Variants in COL2A1 observed in about 807,000 individuals in gnomAD.
COL2A1 encodes collagen type II alpha 1 chain.
COL2A1 carries 28 observed loss-of-function variants against 204.5 expected under a neutral mutation model. The observed-to-expected ratio is 0.14, with a 90% CI of 0.10 to 0.19. The LOEUF is 0.19. COL2A1 is among the 10% of genes least tolerant of loss of function. The pLI is 1.00. For missense variants in COL2A1, 1,388 were observed against 2,027.5 expected, an observed-to-expected ratio of 0.68 and a Z score of 6.06; for synonymous variants, 708 against 718.7, an observed-to-expected ratio of 0.99 and a Z score of 0.24.
In COL2A1 at chr12:47,980,173, G is replaced by A; in HGVS notation, c.2626-111C>T. On this transcript the variant is annotated intron_variant, in intron 39 of 53. Transcript: ENST00000380518. This position sits in a 1 kb window ranked among gnomAD's most constrained non-coding sequence, Gnocchi z 4.5. ...AGGTTTTCGAAGATGCAGCTTTCTT[G>A]GCACTAAAAACCCAGCCTGAAGAGG... 9.6e-7 allele frequency: 1 copy of A among 1,038,368 alleles called. No individual in the cohort carries two copies. Among genetic ancestry groups the A allele is most frequent in the Non-Finnish European group, 1.5e-6 (1 of 682,926 alleles). The allele number at this position is 1,038,368 out of a possible 1,614,324, so 64.3% of individuals were successfully genotyped here.
At position 47,989,774 on chromosome 12, in the gene COL2A1, G is replaced by A. The variant is rs1294094764; in HGVS notation, c.1055C>T (p.Pro352Leu). ...GARGNDGQPG[P>L]AGPPGPVGPA... ...AAATGAACTTACCGGAGGCCCTGCG[G>A]GGCCTGGCTGACCATCGTTGCCTCG... The change falls in exon 17 of 54, where the codon CCC (proline) becomes CTC (leucine). Residue 352 changes from proline (P) to leucine (L), a missense_variant. Around this residue, in one of 3 missense-constraint regions of COL2A1, gnomAD observed 884 missense variants for 1,415.8 expected, o/e 0.62. Coordinates refer to ENST00000380518, the MANE Select transcript of COL2A1 (RefSeq NM_001844.5). 3.1e-6 allele frequency: 5 copies of A among 1,613,468 alleles called. No homozygotes were observed. Among genetic ancestry groups the A allele is most frequent in the Non-Finnish European group, 8.5e-7 (1 of 1,180,022 alleles).
chr12:47,978,647 G>A lies in COL2A1; in HGVS notation c.2845C>T (p.Pro949Ser), dbSNP rs371991954. 3.7e-6 allele frequency: 6 copies of A among 1,613,336 alleles called. No individual in the cohort carries two copies. In the African/African-American group the frequency reaches 4.0e-5, roughly 11 times the overall value. ...GRAGEPGLQG[P>S]AGPPGEKGEP... ...CCCTTCTCGCCAGGGGGTCCAGCAGGACCTTGGAGGCCGGGTTCACCAGCT... is the reference window on the plus strand; with the variant it reads ...CCCTTCTCGCCAGGGGGTCCAGCAGAACCTTGGAGGCCGGGTTCACCAGCT... Residue 949 changes from proline (P) to serine (S), a missense_variant, in exon 42 of 54, where the codon CCT becomes TCT. Coordinates refer to ENST00000380518, the MANE Select transcript of COL2A1 (RefSeq NM_001844.5). The surrounding 1 kb of genome is among the most constrained non-coding windows in gnomAD (Gnocchi z 5.5).
rs1240912554 is a variant in COL2A1 at position 47,984,698 on chromosome 12, T to C, written c.1834-99A>G. 4.3e-6 allele frequency: 5 copies of C among 1,158,994 alleles called. No homozygotes were observed. In the Admixed American group the frequency reaches 7.3e-5, roughly 17 times the overall value. The allele number at this position is 1,158,994 out of a possible 1,614,324, so 71.8% of individuals were successfully genotyped here. A position where few individuals can be genotyped will look rare whatever the true frequency, so the allele number is the denominator to read the frequency against. On this transcript the variant is annotated intron_variant, in intron 27 of 53. Coordinates refer to ENST00000380518, the MANE Select transcript of COL2A1 (RefSeq NM_001844.5). Reference sequence around the variant, plus strand: ...ACTGAGGCCTGGGGCCACATCCTGATGGACAGCCAAGATAAAGCAAAGTAT... The same window carrying C: ...ACTGAGGCCTGGGGCCACATCCTGACGGACAGCCAAGATAAAGCAAAGTAT...
chr12:47,986,715 GAAA>G, intron 22 of COL2A1, 117 bp downstream of exon 22: 1 of 1,196,006 alleles, frequency 8.4e-7, no homozygotes, highest in Non-Finnish European at 1.3e-6. Flanking sequence ...GGCATAATCT[GAAA>G]GGACCCAGAT....
At chr12:48,004,207 G>A in intron 1 of COL2A1, 30 bp downstream of exon 1, 1 of 1,470,312 alleles carries the variant, frequency 6.8e-7, no homozygotes, top group South Asian at 1.2e-5. Context: ...TGGAAAGCAG[G>A]CAGGCAGGCA....
In COL2A1 at chr12:47,994,709, A is replaced by G. The variant is rs117645772; in HGVS notation, c.763-232T>C. ...GCTCCTCTGTCCTCACCAGCCTCCA[A>G]CTTCCCCTGAGAGGCTTTTTCTCTC... is the stretch of plus-strand genomic sequence containing the variant. On this transcript the variant is annotated intron_variant, in intron 11 of 53. Transcript: ENST00000380518. Among the ~76,000 whole-genome samples the G allele has an allele frequency of 8.9e-4, 135 of 152,192 alleles. 2 individuals carry two copies. In the East Asian group the frequency reaches 0.022, roughly 24 times the overall value.
intron 1 of COL2A1, chr12:48,004,008 CA>C (rs1940356140): frequency 1.8e-6 from 1 of 565,216 alleles, no homozygotes; most frequent in African/African-American, 1.9e-5. Flanking sequence ...TAGGGACCTG[CA>C]AATACTTGCA....
rs1303669399 is a variant in COL2A1 at position 47,985,517 on chromosome 12, T to G, written c.1734+17A>C. On this transcript the variant is annotated intron_variant, in intron 26 of 53. Transcript: ENST00000380518. ...GATCCCCCCACCCTCCTAGCAGCCC[T>G]CAGAGGATAGACTTACAGAAGGGCC... 1 of 1,613,344 alleles carries G rather than the reference T, an allele frequency of 6.2e-7. No individual in the cohort carries two copies. The highest frequency in any genetic ancestry group is 1.3e-5 in the African/African-American group (1 of 74,866).
chr12:47,997,774 C>T (rs1940031516), intron 6 of COL2A1, 67 bp from the exon 7 acceptor site: 10 of 1,611,710 alleles, frequency 6.2e-6, no homozygotes, highest in Non-Finnish European at 7.6e-6. Flanking sequence ...TGTCCCTTGG[C>T]TGCTCTTTAA....
Position 47,982,138 on chromosome 12 carries a change from G to C in COL2A1, c.2324C>G (p.Pro775Arg). Residue 775 changes from proline (P) to arginine (R), a missense_variant, in exon 35 of 54, where the codon CCT becomes CGT. Physicochemically the swap from Pro to Arg is moderately radical, Grantham distance 103. Coordinates refer to ENST00000380518, the MANE Select transcript of COL2A1 (RefSeq NM_001844.5). ...ACCATCCTTTCCAGGGGCTCCCTCA[G>C]GGCCTTTCTCACCAACGTCACCCTG... The part of the protein sequence containing the change: ...GDRGDVGEKG[P>R]EGAPGKDGGR... 6.2e-7 allele frequency: 1 copy of C among 1,614,000 alleles called. No homozygotes were observed. Among genetic ancestry groups the C allele is most frequent in the Non-Finnish European group, 8.5e-7 (1 of 1,179,918 alleles).
intron 22 of COL2A1, 45 bp downstream of exon 22, chr12:47,986,790 T>C (rs748993634): frequency 2.5e-6 from 4 of 1,610,338 alleles, no homozygotes; most frequent in Middle Eastern, 1.6e-4. Flanking sequence ...CTGTGCCTCA[T>C]AGAACAGCAG....
At chr12:47,996,227 T>C (rs1359337844) in intron 8 of COL2A1, among the ~76,000 whole-genome samples, 1 of 152,242 alleles carries the variant, frequency 6.6e-6, no homozygotes. Context: ...GCTGGAAGTC[T>C]GTGGATGCTG....
chr12:47,981,909 G>T, intron 35 of COL2A1, 80 bp from the exon 36 acceptor site: 1 of 1,454,154 alleles, frequency 6.9e-7, no homozygotes, highest in Non-Finnish European at 9.5e-7. Flanking sequence ...GCCAACCTTG[G>T]TGCGTGCTCC....
intron 12 of COL2A1, 86 bp downstream of exon 12, chr12:47,994,338 C>A: frequency 7.0e-7 from 1 of 1,424,868 alleles, no homozygotes; most frequent in East Asian, 2.3e-5. Context: ...CAGAAGTGAC[C>A]TCATTGAACT....
rs760260781 is a variant in COL2A1, at chr12:47,978,277, T to C, written c.3003+14A>G. On this transcript the variant is annotated intron_variant, in intron 43 of 53. Coordinates refer to ENST00000380518, the MANE Select transcript of COL2A1 (RefSeq NM_001844.5). The surrounding 1 kb of genome is among the most constrained non-coding windows in gnomAD (Gnocchi z 5.5). ...GGCCCAGCTTGGATGGAGGGAGGGATACCCCACACTCACCGACGGGCCAGG... is the reference window on the plus strand; with the variant it reads ...GGCCCAGCTTGGATGGAGGGAGGGACACCCCACACTCACCGACGGGCCAGG... 1 of 1,613,228 alleles carries C rather than the reference T, an allele frequency of 6.2e-7. No individual in the cohort carries two copies. Among genetic ancestry groups the C allele is most frequent in the Non-Finnish European group, 8.5e-7 (1 of 1,179,530 alleles).
chr12:47,995,024 A>T (rs1374832462), intron 11 of COL2A1, among the ~76,000 whole-genome samples: 1 of 151,918 alleles, frequency 6.6e-6, no homozygotes, highest in Non-Finnish European at 1.5e-5. Flanking sequence ...GGGGCTAATG[A>T]TGTTTTAATT....
intron 16 of COL2A1, among the ~76,000 whole-genome samples, chr12:47,990,875 C>T (rs1185344855): frequency 6.6e-6 from 1 of 152,146 alleles, no homozygotes; most frequent in Non-Finnish European, 1.5e-5. Flanking sequence ...TGGAGCTGGG[C>T]CTAGGGCCTG....
chr12:47,981,019 C>T lies in COL2A1; in HGVS notation c.2464-51G>A, dbSNP rs1015226935. 2.0e-6 allele frequency: 3 copies of T among 1,521,314 alleles called. No homozygotes were observed. In the South Asian group the frequency reaches 3.6e-5, roughly 18 times the overall value. The allele number at this position is 1,521,314 out of a possible 1,614,324, so 94.2% of individuals were successfully genotyped here. ...AGGTCAGGCCCCGCTGCCTGACCTG[C>T]TTCTGCTCCCCTCCAAGAGCCCCTT... On this transcript the variant is annotated intron_variant, in intron 37 of 53. Coordinates refer to ENST00000380518, the MANE Select transcript of COL2A1 (RefSeq NM_001844.5).
rs1251518638 is a variant in COL2A1 at position 47,980,474 on chromosome 12, G to A, written c.2625+80C>T. Reference sequence around the variant, plus strand: ...CCCAGGCCTGCGAACCATCCTCTGCGCAGCCTGCTGGGGCCTTCCCATCTG... The same window carrying A: ...CCCAGGCCTGCGAACCATCCTCTGCACAGCCTGCTGGGGCCTTCCCATCTG... On this transcript the variant is annotated intron_variant, in intron 39 of 53. Transcript: ENST00000380518. The surrounding 1 kb of genome is among the most constrained non-coding windows in gnomAD (Gnocchi z 4.5). 3.3e-5 allele frequency: 43 copies of A among 1,291,446 alleles called. No homozygotes were observed. Among genetic ancestry groups the A allele is most frequent in the Non-Finnish European group, 4.5e-5 (41 of 909,670 alleles). The allele number at this position is 1,291,446 out of a possible 1,614,324, so 80.0% of individuals were successfully genotyped here. A position where few individuals can be genotyped will look rare whatever the true frequency, so the allele number is the denominator to read the frequency against.
Sources: allele counts gnomAD v4.1 joint callset (sites outside exome capture counted in the v4.1 genomes callset), GRCh38; gene constraint gnomAD v4.1.1; regional missense constraint gnomAD v4.1.1; non-coding constraint Gnocchi (gnomAD v3.1); transcripts MANE v1.5; gene names NCBI Gene and HGNC (gene_info 2026-07-23, HGNC 2026-07-21).